The following MYH11 variants were observed in gnomAD, a reference collection of about 807,000 sequenced individuals.
MYH11 encodes myosin-11.
A neutral mutation model predicts 246.6 loss-of-function variants in MYH11; 80 were observed. That is an observed-to-expected ratio of 0.32 (90% CI 0.27 to 0.39). MYH11 has a LOEUF of 0.39. MYH11 is among the 10% of genes least tolerant of loss of function. The pLI is 1.00. For missense variants in MYH11, 2,158 were observed against 2,546.8 expected, an observed-to-expected ratio of 0.85 and a Z score of 3.29; for synonymous variants, 1,071 against 1,015.5, an observed-to-expected ratio of 1.05 and a Z score of -1.04.
chr16:15,787,694 C>T (rs80175860), intron 4 of MYH11, among the ~76,000 whole-genome samples: 20,205 of 151,638 alleles, frequency 0.13, 1,673 homozygotes, highest in South Asian at 0.31. Flanking sequence ...AGGATGGTCT[C>T]GATCTCCTGA....
intron 2 of MYH11, among the ~76,000 whole-genome samples, chr16:15,835,200 C>T (rs1191340682): frequency 6.6e-6 from 1 of 152,074 alleles, no homozygotes; most frequent in Non-Finnish European, 1.5e-5. Context: ...TGGCCTATCC[C>T]CATGACAGAT....
chr16:15,823,045 C>T (rs1472455208), intron 3 of MYH11, among the ~76,000 whole-genome samples: 1 of 152,276 alleles, frequency 6.6e-6, no homozygotes, highest in Non-Finnish European at 1.5e-5. Flanking sequence ...GGAGCGGGCC[C>T]ATGCCCGTAT....
chr16:15,730,160 T>C (rs2040917806), intron 27 of MYH11, among the ~76,000 whole-genome samples: 1 of 151,908 alleles, frequency 6.6e-6, no homozygotes, highest in South Asian at 2.1e-4. Context: ...TCCTGAGGCC[T>C]CCCCAGAAGC....
Position 15,798,701 on chromosome 16 carries a change from G to GA in MYH11, c.503-15dup, listed in dbSNP as rs1217159271. The GA allele has an allele frequency of 6.3e-7, 1 of 1,592,090 alleles. No homozygotes were observed. Among genetic ancestry groups the GA allele is most frequent in the African/African-American group, 1.7e-5 (1 of 59,670 alleles). Reference sequence around the variant, plus strand: ...GGTCCTCCCGATCTGCAAACAGAAAGAAGAAAAAAGAGCCATGAATTAAAA... The same window carrying GA: ...GGTCCTCCCGATCTGCAAACAGAAAGAAAGAAAAAAGAGCCATGAATTAAAA... On this transcript the variant is annotated splice_polypyrimidine_tract_variant and intron_variant, in intron 3 of 40. Transcript: ENST00000300036.
At chr16:15,794,999 G>A (rs2042709819) in intron 4 of MYH11, among the ~76,000 whole-genome samples, 1 of 152,176 alleles carries the variant, frequency 6.6e-6, no homozygotes, top group African/African-American at 2.4e-5. Context: ...AACCAGTGTG[G>A]GGAGAATCAG....
At chr16:15,848,375 A>C (rs1413241414) in intron 1 of MYH11, among the ~76,000 whole-genome samples, 4 of 152,004 alleles carry the variant, frequency 2.6e-5, no homozygotes, top group African/African-American at 9.7e-5. Flanking sequence ...CTGGGACTAC[A>C]GGCATGCGCT....
intron 1 of MYH11, among the ~76,000 whole-genome samples, chr16:15,848,075 C>T (rs1211854792): frequency 6.6e-6 from 1 of 152,172 alleles, no homozygotes; most frequent in Non-Finnish European, 1.5e-5. Context: ...AGCTGTTTTG[C>T]TCCTACGAGC....
intron 25 of MYH11, among the ~76,000 whole-genome samples, chr16:15,737,222 A>T (rs1188286446): frequency 1.3e-5 from 2 of 152,178 alleles, no homozygotes; most frequent in African/African-American, 2.4e-5. Context: ...GGTGAGATCA[A>T]CTGCAAAGAC....
intron 4 of MYH11, among the ~76,000 whole-genome samples, chr16:15,794,139 G>A (rs984285945): frequency 6.8e-6 from 1 of 147,532 alleles, no homozygotes; most frequent in Non-Finnish European, 1.5e-5. Flanking sequence ...GTAGAGATGG[G>A]GTTTCACCGT....
intron 31 of MYH11, among the ~76,000 whole-genome samples, chr16:15,722,588 G>A (rs925998403): frequency 6.6e-6 from 1 of 152,120 alleles, no homozygotes; most frequent in African/African-American, 2.4e-5. Context: ...ACCAGATAAC[G>A]AAGCATTGAA....
chr16:15,799,837 G>A (rs2042838031), intron 3 of MYH11, among the ~76,000 whole-genome samples: 1 of 152,184 alleles, frequency 6.6e-6, no homozygotes, highest in Admixed American at 6.5e-5. Context: ...AAATCTCCTA[G>A]GCTTGGTTTT....
chr16:15,746,415 C>T lies in MYH11; in HGVS notation c.2411+1155G>A, dbSNP rs114493227. ...TAAGAATAAAATTGCCCCAGTTATC[C>T]AGGAAGGACAGCAACAGGGAACTTA... is the stretch of plus-strand genomic sequence containing the variant. On this transcript the variant is annotated intron_variant, in intron 19 of 40. Coordinates refer to ENST00000300036, the MANE Select transcript of MYH11 (RefSeq NM_002474.3). Among the ~76,000 whole-genome samples the T allele has an allele frequency of 4.3e-3, 662 of 152,206 alleles. 1 individual carries two copies. Among genetic ancestry groups the T allele is most frequent in the African/African-American group, 0.014 (561 of 41,516 alleles).
At chr16:15,819,671 A>G (rs2043352827) in intron 3 of MYH11, among the ~76,000 whole-genome samples, 1 of 152,194 alleles carries the variant, frequency 6.6e-6, no homozygotes, top group Non-Finnish European at 1.5e-5. Context: ...GAGTTGTATA[A>G]TGATTTCATT....
chr16:15,763,669 G>T, intron 10 of MYH11, 127 bp downstream of exon 10: 1 of 823,628 alleles, frequency 1.2e-6, no homozygotes, highest in Non-Finnish European at 2.1e-6. Flanking sequence ...TGAGTGATAA[G>T]AACCTAGTCC....
chr16:15,811,165 C>T (rs2043129583), intron 3 of MYH11, among the ~76,000 whole-genome samples: 1 of 152,120 alleles, frequency 6.6e-6, no homozygotes, highest in African/African-American at 2.4e-5. Context: ...AGCACTAGGC[C>T]CTCACCAGAT....
intron 1 of MYH11, among the ~76,000 whole-genome samples, chr16:15,853,997 C>T (rs1402320029): frequency 3.9e-5 from 6 of 152,154 alleles, no homozygotes; most frequent in Non-Finnish European, 7.3e-5. Flanking sequence ...CACCACTGCA[C>T]TCCAGCCTGG....
At chr16:15,726,629 A>C in intron 28 of MYH11, 1 of 617,832 alleles carries the variant, frequency 1.6e-6, no homozygotes. Flanking sequence ...CTGTCTCCCA[A>C]AGTGCTGGGA....
chr16:15,708,474 T>G (rs953019687), intron 40 of MYH11, among the ~76,000 whole-genome samples: 1 of 152,170 alleles, frequency 6.6e-6, no homozygotes, highest in Non-Finnish European at 1.5e-5. Context: ...GAGTGGCTTT[T>G]GGCATGAAAG....
In MYH11 at chr16:15,776,721, C is replaced by G. The variant is rs181762033; in HGVS notation, c.791-545G>C. 2.0e-5 allele frequency among the ~76,000 whole-genome samples: 3 copies of G among 152,322 alleles called. No individual in the cohort carries two copies. In the East Asian group the frequency reaches 5.8e-4, roughly 29 times the overall value. ...ACAAGTGGCAAAGCTGTCTTCCATG[C>G]CCTCTGTTCCAAGAGTGGGGTCTGA... On this transcript the variant is annotated intron_variant, in intron 7 of 40. Transcript: ENST00000300036.
Sources: gnomAD v4.1 joint callset for allele counts (sites outside exome capture counted in the v4.1 genomes callset) on GRCh38, gnomAD v4.1.1 for gene constraint, MANE v1.5 for transcripts, NCBI Gene and HGNC (gene_info 2026-07-23, HGNC 2026-07-21) for gene names.